Variants in NKAIN2 observed in about 807,000 individuals in gnomAD.
NKAIN2 encodes the protein sodium/potassium transporting ATPase interacting 2, also known as sodium/potassium-transporting ATPase subunit beta-1-interacting protein 2.
NKAIN2 carries 14 observed loss-of-function variants against 32.6 expected under a neutral mutation model. That is an observed-to-expected ratio of 0.43 (90% CI 0.28 to 0.67). The LOEUF is 0.67. Among genes scored for constraint, NKAIN2 ranks in the 30% least tolerant of loss-of-function variants. The probability of loss-of-function intolerance (pLI) is 0.17; values close to 1 mark genes in which losing one functional copy is unlikely to be tolerated. For synonymous variants in NKAIN2, 80 were observed against 87.2 expected, an observed-to-expected ratio of 0.92 and a Z score of 0.46; for missense variants, 198 against 258.3, an observed-to-expected ratio of 0.77 and a Z score of 1.60.
intron 1 of NKAIN2, among the ~76,000 whole-genome samples, chr6:123,985,832 GA>G (rs1260980452): frequency 6.6e-6 from 1 of 152,132 alleles, no homozygotes; most frequent in Non-Finnish European, 1.5e-5. Context: ...ACTAGAAAGA[GA>G]AGGAATACTT....
At chr6:123,831,035 G>A (rs1285034640) in intron 1 of NKAIN2, among the ~76,000 whole-genome samples, 2 of 152,138 alleles carry the variant, frequency 1.3e-5, no homozygotes, top group African/African-American at 4.8e-5. Context: ...ATGGAACAAT[G>A]CAAGTCTTGC....
At chr6:124,614,734 G>A (rs1054198059) in intron 3 of NKAIN2, among the ~76,000 whole-genome samples, 7 of 151,844 alleles carry the variant, frequency 4.6e-5, no homozygotes, top group African/African-American at 1.7e-4. Flanking sequence ...CCTGAAGTCA[G>A]ATTTGCATTT....
intron 1 of NKAIN2, among the ~76,000 whole-genome samples, chr6:123,939,754 A>G (rs544847692): frequency 1.3e-5 from 2 of 151,514 alleles, no homozygotes; most frequent in South Asian, 2.1e-4. Flanking sequence ...TTCGTTCCCA[A>G]TTGTGCTATT....
At chr6:124,298,605 GAT>G (rs1796162237) in intron 2 of NKAIN2, among the ~76,000 whole-genome samples, 1 of 152,090 alleles carries the variant, frequency 6.6e-6, no homozygotes, top group Non-Finnish European at 1.5e-5. Context: ...AGGCATAGAT[GAT>G]AATGCCACAC....
At chr6:124,415,282 C>T (rs928394689) in intron 3 of NKAIN2, among the ~76,000 whole-genome samples, 4 of 152,186 alleles carry the variant, frequency 2.6e-5, no homozygotes, top group African/African-American at 9.6e-5. Flanking sequence ...ATCCCACTCT[C>T]CCCTTCTTGA....
intron 3 of NKAIN2, among the ~76,000 whole-genome samples, chr6:124,418,532 A>G (rs1774600209): frequency 6.8e-6 from 1 of 147,900 alleles, no homozygotes; most frequent in Non-Finnish European, 1.5e-5. Flanking sequence ...TACTTTATAA[A>G]CAAAAGGGAT....
At chr6:124,361,832 A>G (rs1357877739) in intron 3 of NKAIN2, among the ~76,000 whole-genome samples, 20 of 152,130 alleles carry the variant, frequency 1.3e-4, no homozygotes. Flanking sequence ...TGCAAGTGCA[A>G]TGTGGAATAA....
chr6:124,750,823 A>G (rs1357754478), intron 4 of NKAIN2, among the ~76,000 whole-genome samples: 2 of 152,018 alleles, frequency 1.3e-5, no homozygotes, highest in East Asian at 3.9e-4. Flanking sequence ...GCAGTTCAAC[A>G]GAGTAATCTG....
intron 1 of NKAIN2, among the ~76,000 whole-genome samples, chr6:124,146,820 A>G (rs1488908154): frequency 6.6e-6 from 1 of 152,200 alleles, no homozygotes; most frequent in African/African-American, 2.4e-5. Context: ...CTGTTTAGGA[A>G]TACATATGTA....
chr6:124,159,832 A>T (rs1198479585), intron 1 of NKAIN2, among the ~76,000 whole-genome samples: 1 of 152,166 alleles, frequency 6.6e-6, no homozygotes, highest in African/African-American at 2.4e-5. Flanking sequence ...ATATGGAAGA[A>T]AAATATAAAT....
chr6:124,189,200 T>C (rs1298510365), intron 1 of NKAIN2, among the ~76,000 whole-genome samples: 1 of 152,104 alleles, frequency 6.6e-6, no homozygotes, highest in African/African-American at 2.4e-5. Flanking sequence ...TTCAGATAAA[T>C]ATAATAAACC....
chr6:124,666,055 T>C (rs140082164), intron 4 of NKAIN2, among the ~76,000 whole-genome samples: 1 of 152,310 alleles, frequency 6.6e-6, no homozygotes, highest in East Asian at 1.9e-4. Context: ...TCTTTCCCTG[T>C]TCCCATGGTG....
intron 3 of NKAIN2, among the ~76,000 whole-genome samples, chr6:124,363,420 G>A (rs1464936724): frequency 6.6e-6 from 1 of 152,084 alleles, no homozygotes; most frequent in African/African-American, 2.4e-5. Context: ...CCTGTTGAAT[G>A]CTATTTTTTG....
chr6:124,468,070 T>C (rs1776832806), intron 3 of NKAIN2, among the ~76,000 whole-genome samples: 1 of 152,148 alleles, frequency 6.6e-6, no homozygotes, highest in Non-Finnish European at 1.5e-5. Context: ...TTGATAAATA[T>C]AATTTTTAAT....
intron 1 of NKAIN2, among the ~76,000 whole-genome samples, chr6:123,976,346 C>T (rs1309324395): frequency 0.15 from 1,837 of 12,626 alleles, 409 homozygotes; most frequent in Middle Eastern, 0.25. Context: ...TATATATGTT[C>T]CCATATATAT....
chr6:124,683,975 T>TTAAG (rs1773744790), intron 4 of NKAIN2, among the ~76,000 whole-genome samples: 1 of 152,150 alleles, frequency 6.6e-6, no homozygotes, highest in African/African-American at 2.4e-5. Flanking sequence ...TAAGAAACCA[T>TTAAG]TAAGTTTCAA....
chr6:124,112,506 A>G (rs989210189), intron 1 of NKAIN2, among the ~76,000 whole-genome samples: 1 of 152,078 alleles, frequency 6.6e-6, no homozygotes, highest in Admixed American at 6.5e-5. Flanking sequence ...TTTGTCTTTG[A>G]CTTTTGATAA....
chr6:123,899,618 C>A (rs1165481647), intron 1 of NKAIN2, among the ~76,000 whole-genome samples: 1 of 152,204 alleles, frequency 6.6e-6, no homozygotes, highest in Non-Finnish European at 1.5e-5. Context: ...ACACTACCTA[C>A]AGGTCAAATC....
At chr6:124,626,274 A>G (rs999520795) in intron 3 of NKAIN2, among the ~76,000 whole-genome samples, 1 of 151,958 alleles carries the variant, frequency 6.6e-6, no homozygotes. Flanking sequence ...GAGGGGCCAG[A>G]TTCCCAAAGT....
Sources: gnomAD v4.1 joint callset for allele counts (sites outside exome capture counted in the v4.1 genomes callset) on GRCh38, gnomAD v4.1.1 for gene constraint, MANE v1.5 for transcripts, NCBI Gene and HGNC (gene_info 2026-07-23, HGNC 2026-07-21) for gene names.